Variants in LIN37 observed in about 807,000 individuals in gnomAD.
LIN37 encodes the protein lin-37 DREAM MuvB core complex component.
LIN37 carries 21 observed loss-of-function variants against 38.0 expected under a neutral mutation model. The ratio of observed to expected loss-of-function variants is 0.55; its 90% CI spans 0.39 to 0.80. The LOEUF is 0.80. Among genes scored for constraint, LIN37 ranks in the 30% least tolerant of loss-of-function variants. The pLI, the probability that LIN37 is intolerant of heterozygous loss-of-function variation, is 0.00. For synonymous variants in LIN37, 126 were observed against 122.9 expected, an observed-to-expected ratio of 1.03 and a Z score of -0.17; for missense variants, 273 against 338.5, an observed-to-expected ratio of 0.81 and a Z score of 1.52.
At chr19:35,748,786 C>A in intron 1 of LIN37, 28 bp downstream of exon 1, 1 of 1,613,542 alleles carries the variant, frequency 6.2e-7, no homozygotes, top group Non-Finnish European at 8.5e-7. Context: ...GGGGGCCTGT[C>A]GGGACCATCG....
At chr19:35,751,554 C>G (rs1970681050) in intron 1 of LIN37, among the ~76,000 whole-genome samples, 1 of 152,142 alleles carries the variant, frequency 6.6e-6, no homozygotes. Flanking sequence ...TCTATCTGAG[C>G]TGGGCTCTAT....
chr19:35,748,869 C>T, intron 1 of LIN37, 111 bp downstream of exon 1: 1 of 1,597,362 alleles, frequency 6.3e-7, no homozygotes, highest in South Asian at 1.1e-5. Flanking sequence ...TCCCTGAAGC[C>T]CACCTGACAA....
rs1488024385 is a variant in LIN37, at chr19:35,753,129, C to T, written c.320C>T (p.Ala107Val). ...CTGTTCGACCGGAGCGTGGACTTGG[C>T]CCAGTTCAGCGAGAACACGCCACTG... is the stretch of plus-strand genomic sequence containing the variant. Reference protein sequence around the residue: ...IKLFDRSVDLAQFSENTPLYP... With the variant: ...IKLFDRSVDLVQFSENTPLYP... Residue 107 changes from alanine (A) to valine (V), a missense_variant, in exon 6 of 9, where the codon GCC (alanine) becomes GTC (valine). Coordinates refer to ENST00000301159, the MANE Select transcript of LIN37 (RefSeq NM_019104.3). 6.2e-7 allele frequency: 1 copy of T among 1,603,320 alleles called. No homozygotes were observed. Among genetic ancestry groups the T allele is most frequent in the Admixed American group, 1.7e-5 (1 of 58,614 alleles).
At chr19:35,753,339 T>G in intron 6 of LIN37, 86 bp downstream of exon 6, 1 of 1,440,172 alleles carries the variant, frequency 6.9e-7, no homozygotes, top group Non-Finnish European at 9.4e-7. Flanking sequence ...CCTAAGCTAG[T>G]GGGATAGACA....
At chr19:35,754,211 A>C in intron 7 of LIN37, 35 bp from the exon 8 acceptor site, 1 of 1,613,948 alleles carries the variant, frequency 6.2e-7, no homozygotes. Context: ...AGGGCTCAGG[A>C]ATGGCCACTC....
intron 6 of LIN37, chr19:35,753,493 T>A: frequency 1.6e-6 from 1 of 606,480 alleles, no homozygotes; most frequent in Middle Eastern, 2.9e-4. Context: ...CCTGGACAGT[T>A]AGATGTGGAC....
In LIN37 at chr19:35,754,023, G is replaced by C; in HGVS notation, c.451G>C (p.Glu151Gln). 1 of 1,613,528 alleles carries C rather than the reference G, an allele frequency of 6.2e-7. No homozygotes were observed. The highest frequency in any genetic ancestry group is 8.5e-7 in the Non-Finnish European group (1 of 1,179,818). The change falls in exon 7 of 9, where the codon GAG becomes CAG. Residue 151 changes from glutamate to glutamine, a missense_variant. Glu to Gln is a conservative substitution (Grantham distance 29, BLOSUM62 2). Coordinates refer to ENST00000301159, the MANE Select transcript of LIN37 (RefSeq NM_019104.3). ...PPLPEDEEGS[E>Q]VTNSKSRDVY... ...GGGGCCCTTGTGTCCCCAGGGCTCA[G>C]AGGTAACCAACAGCAAGAGTCGTGA... is the stretch of plus-strand genomic sequence containing the variant.
Position 35,752,326 on chromosome 19 carries a change from A to G in LIN37, c.110+75A>G. ...TCTGATCCTGGGTGGATTGGGTGGG[A>G]CCCCACAGGCTGACTTGGGGAGGAA... On this transcript the variant is annotated intron_variant, in intron 2 of 8. Coordinates refer to ENST00000301159, the MANE Select transcript of LIN37 (RefSeq NM_019104.3). 3 of 1,573,074 alleles carry G rather than the reference A, an allele frequency of 1.9e-6. No homozygotes were observed. In the South Asian group the frequency reaches 3.4e-5, roughly 18 times the overall value.
Position 35,752,194 on chromosome 19 carries a change from C to G in LIN37, c.53C>G (p.Ala18Gly), listed in dbSNP as rs756723431. 6.2e-7 allele frequency: 1 copy of G among 1,603,736 alleles called. No individual in the cohort carries two copies. Among genetic ancestry groups the G allele is most frequent in the Non-Finnish European group, 8.5e-7 (1 of 1,175,316 alleles). The change falls in exon 2 of 9, where the codon GCC becomes GGC. Residue 18 changes from alanine (A) to glycine (G), a missense_variant. By Grantham distance (60) the Ala-to-Gly change is moderately conservative (BLOSUM62 0). Coordinates refer to ENST00000301159, the MANE Select transcript of LIN37 (RefSeq NM_019104.3). ...GCCCCAGAGCTGGAGATGGCCAAAG[C>G]CCGGAACCAACTGGATGCTGTCTTG... ...VEKSELEMAK[A>G]RNQLDAVLQC...
rs140186262 is a variant in LIN37 at position 35,750,772 on chromosome 19, C to G, written c.35-1404C>G. Among the ~76,000 whole-genome samples, 557 of 151,814 alleles carry G rather than the reference C, an allele frequency of 3.7e-3. 2 individuals carry two copies. The highest frequency in any genetic ancestry group is 0.013 in the African/African-American group (545 of 41,350). ...GTCAGGAGTTTGAGATCAGCCTGGT[C>G]AATATGGTGAAACCCTGTCTGTACT... On this transcript the variant is annotated intron_variant, in intron 1 of 8. Transcript: ENST00000301159.
intron 7 of LIN37, 30 bp from the exon 8 acceptor site, chr19:35,754,216 C>T: frequency 1.2e-6 from 2 of 1,613,986 alleles, no homozygotes; most frequent in East Asian, 2.2e-5. Flanking sequence ...TCAGGAATGG[C>T]CACTCAACCT....
Position 35,748,653 on chromosome 19 carries a change from C to G in LIN37, c.-72C>G. On this transcript the variant is annotated 5_prime_UTR_variant, in exon 1 of 9. Coordinates refer to ENST00000301159, the MANE Select transcript of LIN37 (RefSeq NM_019104.3). ...CATCTTTGAACTGTCCCCGCCTTCTCCCGCCTTGACTTGTGACCCTAGGCC... is the reference window on the plus strand; with the variant it reads ...CATCTTTGAACTGTCCCCGCCTTCTGCCGCCTTGACTTGTGACCCTAGGCC... 1 of 1,603,890 alleles carries G rather than the reference C, an allele frequency of 6.2e-7. No individual in the cohort carries two copies. Among genetic ancestry groups the G allele is most frequent in the Non-Finnish European group, 8.5e-7 (1 of 1,170,870 alleles).
Position 35,752,459 on chromosome 19 carries a change from A to G in LIN37, c.136A>G (p.Lys46Glu), listed in dbSNP as rs772392149. The change falls in exon 3 of 9, where the codon AAA (lysine) becomes GAA (glutamate). Residue 46 changes from lysine (K) to glutamate (E), a missense_variant. Lys to Glu is a moderately conservative substitution (Grantham distance 56, BLOSUM62 1). Coordinates refer to ENST00000301159, the MANE Select transcript of LIN37 (RefSeq NM_019104.3). ...DRERLDEEAG[K>E]TPSDTHNKDC... ...GGAGCGTCTGGATGAGGAAGCTGGG[A>G]AAACACCCTCAGACACCCACAATAA... 3 of 1,613,904 alleles carry G rather than the reference A, an allele frequency of 1.9e-6. No individual in the cohort carries two copies. Among genetic ancestry groups the G allele is most frequent in the African/African-American group, 1.3e-5 (1 of 75,026 alleles).
In LIN37 at chr19:35,753,270, G is replaced by T. The variant is rs1445568342; in HGVS notation, c.444+17G>T. On this transcript the variant is annotated intron_variant, in intron 6 of 8. Coordinates refer to ENST00000301159, the MANE Select transcript of LIN37 (RefSeq NM_019104.3). The stretch of plus-strand genomic sequence containing the variant: ...GATGAGGAGGTGGGATGGGTAGTGG[G>T]TCCCAGCCCAGCAGCCTGGTGCCAG... 8 of 1,543,502 alleles carry T rather than the reference G, an allele frequency of 5.2e-6. No individual in the cohort carries two copies. Among genetic ancestry groups the T allele is most frequent in the Non-Finnish European group, 5.2e-6 (6 of 1,147,054 alleles).
intron 1 of LIN37, among the ~76,000 whole-genome samples, chr19:35,750,570 T>G (rs987810226): frequency 6.6e-6 from 1 of 152,176 alleles, no homozygotes; most frequent in Non-Finnish European, 1.5e-5. Flanking sequence ...AGTTCTGTGA[T>G]GACGGGAGGC....
chr19:35,753,533 G>A, intron 6 of LIN37: 2 of 564,260 alleles, frequency 3.5e-6, no homozygotes, highest in Non-Finnish European at 6.4e-6. Flanking sequence ...CAAGAGCCGA[G>A]GGGCTAGACA....
chr19:35,754,178 C>T (rs1303356891), intron 7 of LIN37, 21 bp downstream of exon 7: 1 of 1,613,982 alleles, frequency 6.2e-7, no homozygotes, highest in Non-Finnish European at 8.5e-7. Context: ...CAGGCTGGCC[C>T]AGGGTTATGG....
At chr19:35,752,136 G>T in intron 1 of LIN37, 40 bp from the exon 2 acceptor site, 6 of 1,507,894 alleles carry the variant, frequency 4.0e-6, no homozygotes, top group Non-Finnish European at 5.4e-6. Context: ...CCTAGCTGGG[G>T]CCTGGGAGCT....
chr19:35,752,271 C>G lies in LIN37; in HGVS notation c.110+20C>G. On this transcript the variant is annotated intron_variant, in intron 2 of 8. Transcript: ENST00000301159. ...GGACAGGTAGGCCAGCGTGGGGTCA[C>G]AGGGCCGGGCACCCTGGTGGGTTGG... is the stretch of plus-strand genomic sequence containing the variant. The G allele has an allele frequency of 6.3e-7, 1 of 1,597,856 alleles. No homozygotes were observed. The highest frequency in any genetic ancestry group is 8.5e-7 in the Non-Finnish European group (1 of 1,171,546).
Sources: gnomAD v4.1 joint callset for allele counts (sites outside exome capture counted in the v4.1 genomes callset) on GRCh38, gnomAD v4.1.1 for gene constraint, MANE v1.5 for transcripts, NCBI Gene and HGNC (gene_info 2026-07-23, HGNC 2026-07-21) for gene names.